The following PRKG1 variants were observed in gnomAD, a reference collection of about 807,000 sequenced individuals.
The protein encoded by PRKG1 is cGMP-dependent protein kinase 1.
Under a neutral mutation model 88.1 loss-of-function variants are expected in PRKG1, and 35 were observed. The observed-to-expected ratio is 0.40, with a 90% CI of 0.30 to 0.53. PRKG1 has a LOEUF of 0.53. Among genes scored for constraint, PRKG1 ranks in the 20% least tolerant of loss-of-function variants. PRKG1 has a pLI of 0.59. For synonymous variants in PRKG1, 303 were observed against 292.5 expected (o/e 1.04, Z -0.37); for missense variants, 540 against 839.8 (o/e 0.64, Z 4.41).
chr10:51,199,292 C>G (rs1444878987), intron 2 of PRKG1, among the ~76,000 whole-genome samples: 1 of 152,302 alleles, frequency 6.6e-6, no homozygotes, highest in Admixed American at 6.5e-5. Flanking sequence ...GTATGCATGA[C>G]TCTCAGTCAA....
At chr10:51,681,685 T>G (rs1840852777) in intron 3 of PRKG1, among the ~76,000 whole-genome samples, 1 of 152,120 alleles carries the variant, frequency 6.6e-6, no homozygotes, top group Non-Finnish European at 1.5e-5. Context: ...TTTCATAAAA[T>G]CTTTTTTTAA....
In PRKG1 at chr10:51,183,881, T is replaced by C. The variant is rs115676440; in HGVS notation, c.478+30551T>C. ...GGCAAATCTGTAGCATGGATATCAC[T>C]CCTTGTTTATCCCTTTCCTTTGGCA... On this transcript the variant is annotated intron_variant, in intron 2 of 17. Coordinates refer to ENST00000373980, the MANE Select transcript of PRKG1 (RefSeq NM_006258.4). 7.5e-3 allele frequency among the ~76,000 whole-genome samples: 1,149 copies of C among 152,280 alleles called. 18 individuals are homozygous for C. The highest frequency in any genetic ancestry group is 0.027 in the African/African-American group (1,112 of 41,554).
At chr10:51,537,112 A>G (rs1464869067) in intron 3 of PRKG1, among the ~76,000 whole-genome samples, 1 of 152,218 alleles carries the variant, frequency 6.6e-6, no homozygotes, top group East Asian at 1.9e-4. Context: ...GATGTGCAAA[A>G]TGGGTTCTGA....
chr10:51,433,550 C>T (rs1045658191), intron 2 of PRKG1, among the ~76,000 whole-genome samples: 1 of 151,992 alleles, frequency 6.6e-6, no homozygotes, highest in Non-Finnish European at 1.5e-5. Flanking sequence ...TCACAGTGTT[C>T]CCCTGCCAGG....
intron 3 of PRKG1, among the ~76,000 whole-genome samples, chr10:51,492,229 T>G (rs1203449934): frequency 6.6e-6 from 1 of 152,204 alleles, no homozygotes; most frequent in Non-Finnish European, 1.5e-5. Context: ...AAAGTTGTGC[T>G]TCTAGATGTC....
intron 4 of PRKG1, among the ~76,000 whole-genome samples, chr10:51,837,685 G>A (rs1033266649): frequency 3.9e-5 from 6 of 152,080 alleles, no homozygotes; most frequent in African/African-American, 1.2e-4. Flanking sequence ...CTCTCCAGTA[G>A]CATTTACCAC....
intron 9 of PRKG1, among the ~76,000 whole-genome samples, chr10:52,247,319 A>G (rs866277318): frequency 6.6e-6 from 1 of 152,154 alleles, no homozygotes; most frequent in Non-Finnish European, 1.5e-5. Context: ...GCATTTGACA[A>G]CTGTCCTCCC....
chr10:51,453,930 G>A (rs1353850655), intron 2 of PRKG1, among the ~76,000 whole-genome samples: 2 of 152,050 alleles, frequency 1.3e-5, no homozygotes, highest in Non-Finnish European at 2.9e-5. Flanking sequence ...ACACAAATCA[G>A]TAGCACTGCT....
chr10:51,638,086 T>A (rs1000512789), intron 3 of PRKG1, among the ~76,000 whole-genome samples: 4 of 152,190 alleles, frequency 2.6e-5, no homozygotes, highest in Admixed American at 2.6e-4. Flanking sequence ...AATTAAATGA[T>A]CTTAACAATT....
intron 2 of PRKG1, among the ~76,000 whole-genome samples, chr10:51,194,278 G>A (rs1837706173): frequency 6.7e-6 from 1 of 149,248 alleles, no homozygotes; most frequent in Non-Finnish European, 1.5e-5. Context: ...TGGGGTACAT[G>A]TGCTGAATGA....
At position 51,117,594 on chromosome 10, in the gene PRKG1, G is replaced by A. The variant is rs140658015; in HGVS notation, c.312-35570G>A. Reference sequence around the variant, plus strand: ...TGTGGGTACTGTGTGTGTTTGATATGGGTAATCTTATGTAATTTCCACAAC... The same window carrying A: ...TGTGGGTACTGTGTGTGTTTGATATAGGTAATCTTATGTAATTTCCACAAC... On this transcript the variant is annotated intron_variant, in intron 1 of 17. Coordinates refer to ENST00000373980, the MANE Select transcript of PRKG1 (RefSeq NM_006258.4). Among the ~76,000 whole-genome samples, 226 of 152,248 alleles carry A rather than the reference G, an allele frequency of 1.5e-3. 1 individual carries two copies. Among genetic ancestry groups the A allele is most frequent in the African/African-American group, 5.2e-3 (216 of 41,546 alleles).
chr10:51,970,469 A>G, intron 5 of PRKG1, among the ~76,000 whole-genome samples: 1 of 151,500 alleles, frequency 6.6e-6, no homozygotes, highest in Non-Finnish European at 1.5e-5. Flanking sequence ...AATCACTTTT[A>G]AAACCTTGTT....
Position 52,161,877 on chromosome 10 carries a change from T to C in PRKG1, c.1002-12T>C, listed in dbSNP as rs571503787. 325 of 1,611,900 alleles carry C rather than the reference T, an allele frequency of 2.0e-4. 4 individuals carry two copies. The South Asian group carries it at 3.4e-3, about 17-fold the overall frequency. On this transcript the variant is annotated splice_polypyrimidine_tract_variant and intron_variant, in intron 8 of 17. Transcript: ENST00000373980. ...GTAGAAGATTAATCACTGTGCTTTT[T>C]TCGTCTGACAGCTCTTTTAAACATT...
At chr10:51,525,678 A>C (rs1379715830) in intron 3 of PRKG1, among the ~76,000 whole-genome samples, 2 of 152,208 alleles carry the variant, frequency 1.3e-5, no homozygotes, top group African/African-American at 4.8e-5. Flanking sequence ...AGCCTGGGCA[A>C]CAGAGTGAGA....
chr10:51,844,364 G>C (rs952808081), intron 4 of PRKG1, among the ~76,000 whole-genome samples: 4 of 151,998 alleles, frequency 2.6e-5, no homozygotes, highest in Non-Finnish European at 5.9e-5. Context: ...CTAGTAAGAG[G>C]GTTGAAAGAT....
chr10:51,361,802 T>G (rs1428785972), intron 2 of PRKG1, among the ~76,000 whole-genome samples: 1 of 151,900 alleles, frequency 6.6e-6, no homozygotes, highest in Non-Finnish European at 1.5e-5. Flanking sequence ...GGATTTTTAG[T>G]GGTAACAATC....
rs1837163390 is a variant in PRKG1, at chr10:52,128,501, G to A, written c.936-5339G>A. On this transcript the variant is annotated intron_variant, in intron 7 of 17. Coordinates refer to ENST00000373980, the MANE Select transcript of PRKG1 (RefSeq NM_006258.4). ...CAGTGACGCCACTTTGGGATACAGC[G>A]ATGATGAAGATTCCAGTGACGAAGT... 6 of 985,242 alleles carry A rather than the reference G, an allele frequency of 6.1e-6. No homozygotes were observed. The South Asian group carries it at 1.9e-4, about 31-fold the overall frequency. The allele number at this position is 985,242 out of a possible 1,614,324, so 61.0% of individuals were successfully genotyped here.
At chr10:51,225,354 C>T (rs186182412) in intron 2 of PRKG1, among the ~76,000 whole-genome samples, 3 of 152,200 alleles carry the variant, frequency 2.0e-5, no homozygotes, top group Admixed American at 6.5e-5. Context: ...AATCCCATCC[C>T]CTTAAGGGTT....
chr10:51,579,008 T>TTTTTTTTTTTTTTTTTG (rs1837961868), intron 3 of PRKG1, among the ~76,000 whole-genome samples: 1 of 143,458 alleles, frequency 7.0e-6, no homozygotes, highest in African/African-American at 2.6e-5. Flanking sequence ...TTTTTTTTTT[T>TTTTTTTTTTTTTTTTTG]AGACAGAGTC....
Sources: gnomAD v4.1 joint callset for allele counts (sites outside exome capture counted in the v4.1 genomes callset) on GRCh38, gnomAD v4.1.1 for gene constraint, MANE v1.5 for transcripts, NCBI Gene and HGNC (gene_info 2026-07-23, HGNC 2026-07-21) for gene names.